Variants in AAMDC observed in about 807,000 individuals in gnomAD.
AAMDC encodes adipogenesis associated Mth938 domain containing.
A neutral mutation model predicts 15.5 loss-of-function variants in AAMDC; 16 were observed. The ratio of observed to expected loss-of-function variants is 1.03; its 90% confidence interval spans 0.70 to 1.57. The LOEUF is 1.57. AAMDC is among the 40% of genes most tolerant of loss of function. AAMDC has a pLI of 0.00. For synonymous variants in AAMDC, 51 were observed against 51.6 expected (o/e 0.99, Z 0.05); for missense variants, 141 against 144.9 (o/e 0.97, Z 0.14).
chr11:77,858,302 C>CTTTTT lies in AAMDC; in HGVS notation c.133-11399_133-11395dup, dbSNP rs71473358. On this transcript the variant is annotated intron_variant, in intron 2 of 3. Coordinates refer to ENST00000393427, the MANE Select transcript of AAMDC (RefSeq NM_024684.4). ...CTCCACCTCCTGCGTTTAAGCAATTCTTTTTTTTTTTTTTTTTTTTTTTTT... is the reference window on the plus strand; with the variant it reads ...CTCCACCTCCTGCGTTTAAGCAATTCTTTTTTTTTTTTTTTTTTTTTTTTTTTTTT... 4.3e-3 allele frequency among the ~76,000 whole-genome samples: 295 copies of CTTTTT among 69,344 alleles called. 13 individuals are homozygous for CTTTTT. The highest frequency in any genetic ancestry group is 4.9e-3 in the East Asian group (10 of 2,056). 45.5% of individuals were successfully genotyped at this position (69,344 alleles called of 152,430 possible).
downstream of AAMDC, among the ~76,000 whole-genome samples, chr11:77,876,108 G>C (rs1951586851): frequency 6.6e-6 from 1 of 152,122 alleles, no homozygotes; most frequent in Non-Finnish European, 1.5e-5. Flanking sequence ...AGAGGACTAA[G>C]AAACATGAAG....
rs1432131843 is a variant in AAMDC, at chr11:77,842,002, G to A, written c.-18-477G>A. Among the ~76,000 whole-genome samples the A allele has an allele frequency of 3.3e-5, 5 of 152,006 alleles. No individual in the cohort carries two copies. The East Asian group carries it at 9.6e-4, about 29-fold the overall frequency. On this transcript the variant is annotated intron_variant, in intron 1 of 3. Coordinates refer to ENST00000393427, the MANE Select transcript of AAMDC (RefSeq NM_024684.4). ...AACAGAACTGGAGTGGTGGAATGGG[G>A]GTTGTTCCAGGCAAGAACAACAAAA...
chr11:77,883,924 A>G, intron 5 of AAMDC: 1 of 1,613,360 alleles, frequency 6.2e-7, no homozygotes, highest in African/African-American at 1.3e-5. Context: ...GGGGTGAATC[A>G]TCTGAGCCTG....
At chr11:77,868,113 T>C (rs1371096886) in intron 2 of AAMDC, among the ~76,000 whole-genome samples, 1 of 150,042 alleles carries the variant, frequency 6.7e-6, no homozygotes, top group African/African-American at 2.5e-5. Context: ...TGGAGTGCAG[T>C]GGCACAATCT....
chr11:77,869,715 C>A lies in AAMDC; in HGVS notation c.133-7C>A, dbSNP rs1205095639. 1 of 1,613,326 alleles carries A rather than the reference C, an allele frequency of 6.2e-7. No individual in the cohort carries two copies. Among genetic ancestry groups the A allele is most frequent in the African/African-American group, 1.3e-5 (1 of 75,028 alleles). On this transcript the variant is annotated splice_region_variant and splice_polypyrimidine_tract_variant and intron_variant, in intron 2 of 3. Transcript: ENST00000393427. ...GGTACCTGTCTACTTTCTCTTTCCA[C>A]ATCCAGCATTCTCCTGGTGTGCAGC...
chr11:77,900,835 T>G, downstream of AAMDC: 1 of 566,988 alleles, frequency 1.8e-6, no homozygotes, highest in Non-Finnish European at 3.1e-6. Flanking sequence ...GAGCTCTTAT[T>G]ACGTATCAAG....
chr11:77,822,280 A>C (rs1948946852), intron 1 of AAMDC, among the ~76,000 whole-genome samples: 1 of 152,002 alleles, frequency 6.6e-6, no homozygotes, highest in South Asian at 2.1e-4. Context: ...TCTCTAGTAA[A>C]AATAACGAAA....
At chr11:77,891,577 G>A in intron 5 of AAMDC, 1 of 1,568,314 alleles carries the variant, frequency 6.4e-7, no homozygotes, top group Non-Finnish European at 8.7e-7. Context: ...CCACTCAGAG[G>A]AACAGCCTAG....
At chr11:77,878,682 C>G in intron 5 of AAMDC, 1 of 678,176 alleles carries the variant, frequency 1.5e-6, no homozygotes, top group Non-Finnish European at 2.6e-6. Context: ...GAAGCTATAG[C>G]CACACGCATT....
intron 2 of AAMDC, chr11:77,869,302 A>C (rs992433565): frequency 1.6e-4 from 22 of 137,598 alleles, no homozygotes; most frequent in Admixed American, 1.6e-4. Context: ...TCGTTTATTT[A>C]TCTCTTTTTC....
At chr11:77,895,886 G>A (rs1952496904) in intron 5 of AAMDC, among the ~76,000 whole-genome samples, 1 of 152,202 alleles carries the variant, frequency 6.6e-6, no homozygotes. Flanking sequence ...TTTTCCTTTG[G>A]TGTGAGGGAA....
intron 5 of AAMDC, among the ~76,000 whole-genome samples, chr11:77,897,785 G>A (rs1303759678): frequency 6.6e-6 from 1 of 151,582 alleles, no homozygotes; most frequent in African/African-American, 2.4e-5. Flanking sequence ...GGTTACAGGC[G>A]TTAGCCACCG....
At chr11:77,874,898 G>A (rs1026458910), downstream of AAMDC, among the ~76,000 whole-genome samples, 7 of 152,264 alleles carry the variant, frequency 4.6e-5, no homozygotes, top group East Asian at 1.9e-4. Context: ...TTAGCCAGGC[G>A]TGGTGGCACG....
chr11:77,901,149 T>C (rs1322095217), downstream of AAMDC, among the ~76,000 whole-genome samples: 1 of 152,232 alleles, frequency 6.6e-6, no homozygotes, highest in Non-Finnish European at 1.5e-5. Flanking sequence ...AGTGTCCTTA[T>C]TGCCAGATAA....
chr11:77,844,385 G>A (rs1036003877), intron 2 of AAMDC, among the ~76,000 whole-genome samples: 2 of 151,200 alleles, frequency 1.3e-5, no homozygotes, highest in East Asian at 1.9e-4. Flanking sequence ...TTTTTTTGGA[G>A]ACAGTCTCCC....
chr11:77,894,399 G>A (rs968730430), intron 5 of AAMDC: 4 of 1,014,414 alleles, frequency 3.9e-6, no homozygotes, highest in Non-Finnish European at 6.0e-6. Flanking sequence ...TGCAAACTGA[G>A]GAGGACCAAA....
At chr11:77,882,999 G>C (rs1355557531) in intron 5 of AAMDC, among the ~76,000 whole-genome samples, 1 of 152,112 alleles carries the variant, frequency 6.6e-6, no homozygotes, top group Non-Finnish European at 1.5e-5. Context: ...CTGAACCCAG[G>C]AGGCAGACAG....
chr11:77,878,688 G>A (rs773860455), intron 5 of AAMDC: 28 of 682,052 alleles, frequency 4.1e-5, no homozygotes, highest in African/African-American at 1.8e-4. Flanking sequence ...ATAGCCACAC[G>A]CATTTCTTTA....
intron 5 of AAMDC, among the ~76,000 whole-genome samples, chr11:77,895,272 T>C (rs961137662): frequency 1.3e-5 from 2 of 152,106 alleles, no homozygotes; most frequent in Admixed American, 6.6e-5. Flanking sequence ...ATATTATTCA[T>C]TGGAGGAATA....
Sources: allele counts gnomAD v4.1 joint callset (sites outside exome capture counted in the v4.1 genomes callset), GRCh38; gene constraint gnomAD v4.1.1; transcripts MANE v1.5; gene names NCBI Gene and HGNC (gene_info 2026-07-23, HGNC 2026-07-21).